The following MDGA2 variants were observed in gnomAD, a reference collection of about 807,000 sequenced individuals.
The protein encoded by MDGA2 is MAM domain-containing glycosylphosphatidylinositol anchor protein 2.
A neutral mutation model predicts 117.8 loss-of-function variants in MDGA2; 40 were observed. That is an observed-to-expected ratio of 0.34 (90% CI 0.26 to 0.44). The LOEUF is 0.44. Among genes scored for constraint, MDGA2 ranks in the 20% least tolerant of loss-of-function variants. MDGA2 has a pLI of 1.00. For missense variants in MDGA2, 1,123 were observed against 1,250.6 expected (o/e 0.90, Z 1.54); for synonymous variants, 452 against 439.0 (o/e 1.03, Z -0.37).
rs56176876 is a variant in MDGA2, at chr14:47,456,294, C to CT, written c.281-154745dup. 4.8e-3 allele frequency among the ~76,000 whole-genome samples: 675 copies of CT among 140,564 alleles called. 17 individuals are homozygous for CT. The highest frequency in any genetic ancestry group is 0.036 in the South Asian group (161 of 4,492). The allele number at this position is 140,564 out of a possible 152,430, so 92.2% of individuals were successfully genotyped here. A position where few individuals can be genotyped will look rare whatever the true frequency, so the allele number is the denominator to read the frequency against. ...CAGTGTGAGCAAGAAAATTGTTTAC[C>CT]TTTTTTTTTTTTTTTGAGAAGGAGT... On this transcript the variant is annotated intron_variant, in intron 1 of 16. Transcript: ENST00000399232.
At chr14:47,165,477 A>C (rs566139915) in intron 3 of MDGA2, among the ~76,000 whole-genome samples, 1 of 152,180 alleles carries the variant, frequency 6.6e-6, no homozygotes, top group Non-Finnish European at 1.5e-5. Flanking sequence ...TTCCATTTTC[A>C]CTAGCCATAG....
intron 10 of MDGA2, 113 bp downstream of exon 10, chr14:46,919,899 C>CATATACATAA: frequency 1.1e-6 from 1 of 894,512 alleles, no homozygotes; most frequent in East Asian, 2.9e-5. Context: ...TATACAGAAA[C>CATATACATAA]ACATATACAT....
chr14:47,324,850 G>C (rs1244926573), intron 1 of MDGA2, among the ~76,000 whole-genome samples: 1 of 151,878 alleles, frequency 6.6e-6, no homozygotes, highest in Non-Finnish European at 1.5e-5. Context: ...GAGAGAGAGA[G>C]AGAAAGAGAG....
chr14:47,211,669 GT>G (rs1885888630), intron 3 of MDGA2, among the ~76,000 whole-genome samples: 1 of 152,052 alleles, frequency 6.6e-6, no homozygotes, highest in African/African-American at 2.4e-5. Flanking sequence ...AAGGCTGTTT[GT>G]TACACAAACA....
intron 8 of MDGA2, among the ~76,000 whole-genome samples, chr14:47,014,742 C>A (rs577796087): frequency 6.6e-5 from 10 of 152,156 alleles, no homozygotes; most frequent in Non-Finnish European, 1.2e-4. Flanking sequence ...AATGTTGTGG[C>A]AGGTTTGATC....
chr14:47,343,900 AGCT>A (rs1332778004), intron 1 of MDGA2, among the ~76,000 whole-genome samples: 1 of 152,156 alleles, frequency 6.6e-6, no homozygotes, highest in Non-Finnish European at 1.5e-5. Flanking sequence ...AAACCAACAA[AGCT>A]ATTCACTATT....
At chr14:47,335,206 A>T (rs535584991) in intron 1 of MDGA2, among the ~76,000 whole-genome samples, 1 of 151,408 alleles carries the variant, frequency 6.6e-6, no homozygotes, top group South Asian at 2.1e-4. Flanking sequence ...GTAGCAGCCA[A>T]GACAGATACA....
Position 46,922,282 on chromosome 14 carries a change from T to A in MDGA2, c.2090-2122A>T, listed in dbSNP as rs947482773. ...TATGGAATGGCCTACCTCAGTAGAC[T>A]ATAAATTTCCCTTTATTCGAGGTAT... On this transcript the variant is annotated intron_variant, in intron 9 of 16. Coordinates refer to ENST00000399232, the MANE Select transcript of MDGA2 (RefSeq NM_001113498.3). Among the ~76,000 whole-genome samples the A allele has an allele frequency of 4.6e-5, 7 of 152,164 alleles. No homozygotes were observed. In the South Asian group the frequency reaches 1.2e-3, roughly 27 times the overall value.
chr14:47,076,078 T>C (rs143806172), intron 6 of MDGA2, among the ~76,000 whole-genome samples: 23 of 152,192 alleles, frequency 1.5e-4, no homozygotes, highest in African/African-American at 4.3e-4. Context: ...CAATAAAATA[T>C]TTGTCAAGGA....
intron 3 of MDGA2, chr14:47,200,822 G>A: frequency 1.2e-6 from 1 of 801,210 alleles, no homozygotes; most frequent in Non-Finnish European, 2.2e-6. Flanking sequence ...CTTCAGGGCA[G>A]CAGGAGCCAC....
intron 10 of MDGA2, among the ~76,000 whole-genome samples, chr14:46,917,479 G>C (rs911819245): frequency 3.3e-5 from 5 of 152,124 alleles, no homozygotes; most frequent in African/African-American, 1.2e-4. Flanking sequence ...CCCAGGCTTA[G>C]ATATGCTCAG....
rs990705078 is a variant in MDGA2 at position 47,030,325 on chromosome 14, A to T, written c.1819+4686T>A. On this transcript the variant is annotated intron_variant, in intron 8 of 16. Transcript: ENST00000399232. ...AGGTCAGGAGTTCGAGACTAGCCTG[A>T]CCAAAATGGAGAAACCCCATCTCTA... Among the ~76,000 whole-genome samples the T allele has an allele frequency of 9.2e-5, 14 of 151,850 alleles. No individual in the cohort carries two copies. The South Asian group carries it at 2.9e-3, about 32-fold the overall frequency.
chr14:47,102,746 A>C (rs529939870), intron 5 of MDGA2, among the ~76,000 whole-genome samples: 10 of 152,258 alleles, frequency 6.6e-5, no homozygotes, highest in Admixed American at 6.5e-4. Flanking sequence ...TCCCTCATTA[A>C]TTGGGAATTA....
intron 8 of MDGA2, among the ~76,000 whole-genome samples, chr14:47,016,112 C>T (rs1366454219): frequency 4.6e-5 from 7 of 151,944 alleles, no homozygotes; most frequent in Admixed American, 4.6e-4. Context: ...TATTTTTTTA[C>T]AAGTATCTAG....
At chr14:47,199,390 CT>C (rs1885408509) in intron 3 of MDGA2, among the ~76,000 whole-genome samples, 1 of 152,114 alleles carries the variant, frequency 6.6e-6, no homozygotes. Context: ...AAGTAAGCAT[CT>C]CTGAAAGAAT....
intron 10 of MDGA2, 50 bp downstream of exon 10, chr14:46,919,962 G>A: frequency 6.7e-7 from 1 of 1,488,986 alleles, no homozygotes; most frequent in Non-Finnish European, 8.9e-7. Context: ...TAACAACAAG[G>A]TCTTCACAGA....
intron 3 of MDGA2, among the ~76,000 whole-genome samples, chr14:47,154,338 G>C (rs963600072): frequency 2.0e-5 from 3 of 152,218 alleles, no homozygotes; most frequent in Admixed American, 6.5e-5. Flanking sequence ...CGACCGCAGT[G>C]GGGGAGATGC....
At chr14:46,932,939 TAAAC>T (rs1884635337) in intron 9 of MDGA2, among the ~76,000 whole-genome samples, 2 of 152,092 alleles carry the variant, frequency 1.3e-5, no homozygotes, top group South Asian at 2.1e-4. Flanking sequence ...AGCAATAAGA[TAAAC>T]AAAGGAAAAT....
intron 1 of MDGA2, among the ~76,000 whole-genome samples, chr14:47,613,044 T>A (rs1441740077): frequency 1.3e-5 from 2 of 152,158 alleles, no homozygotes; most frequent in Non-Finnish European, 2.9e-5. Flanking sequence ...AGAAAGCCGT[T>A]CACATTGAGT....
Sources: allele counts gnomAD v4.1 joint callset (sites outside exome capture counted in the v4.1 genomes callset), GRCh38; gene constraint gnomAD v4.1.1; transcripts MANE v1.5; gene names NCBI Gene and HGNC (gene_info 2026-07-23, HGNC 2026-07-21).